UBE2V1: variants seen among roughly 807,000 people sequenced by gnomAD.
UBE2V1 encodes the protein ubiquitin conjugating enzyme E2 V1.
In UBE2V1, 15 loss-of-function variants were observed where a neutral mutation model predicts 19.6. The ratio of observed to expected loss-of-function variants is 0.77; its 90% CI spans 0.51 to 1.18. The LOEUF (loss-of-function observed/expected upper bound fraction) is 1.18. Among genes scored for constraint, UBE2V1 ranks in the 50% most tolerant of loss-of-function variants. The probability of loss-of-function intolerance (pLI) is 0.00; values close to 1 mark genes in which losing one functional copy is unlikely to be tolerated. For synonymous variants in UBE2V1, 60 were observed against 60.7 expected, an observed-to-expected ratio of 0.99 and a Z score of 0.05; for missense variants, 125 against 184.8, an observed-to-expected ratio of 0.68 and a Z score of 1.88.
At chr20:50,092,682 A>C (rs1167925575) in intron 2 of UBE2V1, among the ~76,000 whole-genome samples, 1 of 152,204 alleles carries the variant, frequency 6.6e-6, no homozygotes, top group Non-Finnish European at 1.5e-5. Context: ...ATTTGCCAGA[A>C]TTGTGCAAGG....
chr20:50,115,527 TCA>T, upstream of UBE2V1: 1 of 1,596,968 alleles, frequency 6.3e-7, no homozygotes, highest in Non-Finnish European at 8.6e-7. Flanking sequence ...CCTTCATCAC[TCA>T]GTTTGCTTTG....
At chr20:50,094,965 T>C (rs947330976) in intron 2 of UBE2V1, 1 of 152,166 alleles carries the variant, frequency 6.6e-6, no homozygotes, top group African/African-American at 2.4e-5. Flanking sequence ...TGGAAAGAGA[T>C]AAACTGAAAT....
rs187204768 is a variant in UBE2V1 at position 50,082,736 on chromosome 20, G to A, written c.*32C>T. The A allele has an allele frequency of 1.4e-4, 225 of 1,600,350 alleles. 3 individuals are homozygous for A. In the African/African-American group the frequency reaches 2.6e-3, roughly 19 times the overall value. ...AAGACTGATTAAATCGAATTGGGGGGAAGGGGAAGGGCCTGTGGTTTTTCT... is the reference window on the plus strand; with the variant it reads ...AAGACTGATTAAATCGAATTGGGGGAAAGGGGAAGGGCCTGTGGTTTTTCT... On this transcript the variant is annotated 3_prime_UTR_variant, in exon 4 of 4. Transcript: ENST00000371674.
chr20:50,109,775 A>G (rs1167358664), intron 1 of UBE2V1, among the ~76,000 whole-genome samples: 2 of 147,784 alleles, frequency 1.4e-5, no homozygotes, highest in African/African-American at 5.0e-5. Context: ...AAAAGCTTGC[A>G]CTAGCCCAAC....
At chr20:50,083,469 G>T (rs1009248090) in intron 3 of UBE2V1, among the ~76,000 whole-genome samples, 40 of 152,206 alleles carry the variant, frequency 2.6e-4, no homozygotes, top group Non-Finnish European at 3.8e-4. Flanking sequence ...TAAACACACT[G>T]TAACAAAGCT....
chr20:50,081,958 G>A lies in UBE2V1; in HGVS notation c.*810C>T, dbSNP rs2078661428. 4.3e-6 allele frequency: 1 copy of A among 230,980 alleles called. No individual in the cohort carries two copies. Among genetic ancestry groups the A allele is most frequent in the African/African-American group, 2.3e-5 (1 of 43,800 alleles). The allele number at this position is 230,980 out of a possible 1,614,324, so 14.3% of individuals were successfully genotyped here. A position where few individuals can be genotyped will look rare whatever the true frequency, so the allele number is the denominator to read the frequency against. On this transcript the variant is annotated 3_prime_UTR_variant, in exon 4 of 4. Transcript: ENST00000371674. The stretch of plus-strand genomic sequence containing the variant: ...TTCCAAAACTAAACAAGGGAGGTCA[G>A]AGGCTCTTTCCAACCTTACCTGATG...
chr20:50,101,524 T>C (rs1049964543), intron 1 of UBE2V1, among the ~76,000 whole-genome samples: 7 of 135,890 alleles, frequency 5.2e-5, no homozygotes, highest in Non-Finnish European at 1.1e-4. Context: ...GTTCAAGCAA[T>C]TCTCATGATG....
intron 1 of UBE2V1, chr20:50,108,934 A>C: frequency 2.0e-6 from 2 of 985,216 alleles, no homozygotes; most frequent in Non-Finnish European, 2.4e-6. Context: ...AAGATTAAAC[A>C]CTCCAAGACT....
intron 2 of UBE2V1, among the ~76,000 whole-genome samples, chr20:50,093,999 A>T (rs1459754011): frequency 9.3e-5 from 12 of 129,128 alleles, no homozygotes; most frequent in African/African-American, 3.8e-4. Context: ...AAAAAAAAAA[A>T]AAAAAAAAAA....
At chr20:50,094,613 G>A (rs1266509366) in intron 2 of UBE2V1, among the ~76,000 whole-genome samples, 1 of 152,006 alleles carries the variant, frequency 6.6e-6, no homozygotes, top group Non-Finnish European at 1.5e-5. Flanking sequence ...CTGAGTAAAG[G>A]AAGCCAGTCA....
intron 2 of UBE2V1, among the ~76,000 whole-genome samples, chr20:50,086,893 C>G (rs537118367): frequency 1.3e-5 from 2 of 152,140 alleles, no homozygotes; most frequent in Non-Finnish European, 2.9e-5. Flanking sequence ...CTGGCTAACA[C>G]GGTGAAACCC....
At chr20:50,092,458 A>G (rs1343406947) in intron 2 of UBE2V1, among the ~76,000 whole-genome samples, 2 of 152,150 alleles carry the variant, frequency 1.3e-5, no homozygotes, top group African/African-American at 2.4e-5. Flanking sequence ...GGTTGCTGCA[A>G]TGGAGACGGG....
At position 50,081,636 on chromosome 20, in the gene UBE2V1, G is replaced by A. The variant is rs2078648817; in HGVS notation, c.*1132C>T. ...CTAGACCCCAATGGATTGCAAGGAT[G>A]ACCAAATGAAAGCCCTGTTTAAAAC... On this transcript the variant is annotated 3_prime_UTR_variant, in exon 4 of 4. Coordinates refer to ENST00000371674, the MANE Select transcript of UBE2V1 (RefSeq NM_001032288.3). 1 of 165,562 alleles carries A rather than the reference G, an allele frequency of 6.0e-6. No individual in the cohort carries two copies. Among genetic ancestry groups the A allele is most frequent in the Non-Finnish European group, 1.3e-5 (1 of 76,674 alleles). 10.3% of individuals were successfully genotyped at this position (165,562 alleles called of 1,614,324 possible).
chr20:50,090,826 C>CTGT (rs2079174006), intron 2 of UBE2V1, among the ~76,000 whole-genome samples: 1 of 152,150 alleles, frequency 6.6e-6, no homozygotes, highest in Non-Finnish European at 1.5e-5. Context: ...GGTAGCTACA[C>CTGT]GTGGTGATGG....
upstream of UBE2V1, chr20:50,115,146 T>C (rs2080974210): frequency 4.7e-6 from 1 of 213,672 alleles, no homozygotes; most frequent in East Asian, 1.0e-4. Context: ...TCTGAGACTT[T>C]CTGTACCTCT....
chr20:50,092,595 T>C (rs1206109700), intron 2 of UBE2V1, among the ~76,000 whole-genome samples: 1 of 152,240 alleles, frequency 6.6e-6, no homozygotes, highest in Non-Finnish European at 1.5e-5. Context: ...AACTCTGCTC[T>C]ATATAACTTG....
chr20:50,084,394 G>A, intron 2 of UBE2V1, 140 bp from the exon 3 acceptor site: 1 of 1,512,034 alleles, frequency 6.6e-7, no homozygotes. Context: ...TCTGTGGTAG[G>A]TCAGCAGTTC....
intron 2 of UBE2V1, chr20:50,084,746 C>G (rs1173868867): frequency 2.7e-6 from 1 of 365,126 alleles, no homozygotes; most frequent in Admixed American, 3.7e-5. Context: ...CTTCCCCCTT[C>G]TCCATCACTC....
rs1468447440 is a variant in UBE2V1, at chr20:50,082,144, G to A, written c.*624C>T. The A allele has an allele frequency of 6.2e-6, 1 of 162,572 alleles. No individual in the cohort carries two copies. The highest frequency in any genetic ancestry group is 1.6e-4 in the East Asian group (1 of 6,210). The allele number at this position is 162,572 out of a possible 1,614,324, so 10.1% of individuals were successfully genotyped here. A position where few individuals can be genotyped will look rare whatever the true frequency, so the allele number is the denominator to read the frequency against. On this transcript the variant is annotated 3_prime_UTR_variant, in exon 4 of 4. Transcript: ENST00000371674. ...TTCCTCACCGAAGGCCAATCTCAGA[G>A]GGGAGTGGAGGGGTTACAATCTATG...
Sources: gnomAD v4.1 joint callset for allele counts (sites outside exome capture counted in the v4.1 genomes callset) on GRCh38, gnomAD v4.1.1 for gene constraint, MANE v1.5 for transcripts, NCBI Gene and HGNC (gene_info 2026-07-23, HGNC 2026-07-21) for gene names.